KRABD4: variants seen among roughly 807,000 people sequenced by gnomAD.
The protein encoded by KRABD4 is KRAB domain-containing protein 4.
chrX:46,452,150 G>A, the KRABD4 span, among the ~76,000 whole-genome samples: 1 of 111,382 alleles, frequency 9.0e-6, no homozygotes, highest in African/African-American at 3.3e-5. Flanking sequence ...TTGCTATGTT[G>A]CCCAGGCTGG....
the KRABD4 span, among the ~76,000 whole-genome samples, chrX:46,453,619 A>AT: frequency 9.0e-6 from 1 of 111,479 alleles, no homozygotes. Context: ...GTATGAATTA[A>AT]TTTTTTTTAT....
At chrX:46,473,239 G>A in the KRABD4 span, 22 of 1,176,326 alleles carry the variant, frequency 1.9e-5, no homozygotes, top group African/African-American at 1.4e-4. Context: ...AACTCACACC[G>A]GAGAGAAACC....
At chrX:46,471,263 C>T in the KRABD4 span, 4 of 985,512 alleles carry the variant, frequency 4.1e-6, no homozygotes, top group Non-Finnish European at 5.5e-6. Flanking sequence ...CTCTTTGTGC[C>T]AGAAAATCCT....
chrX:46,449,735 T>G, the KRABD4 span, among the ~76,000 whole-genome samples: 1 of 112,378 alleles, frequency 8.9e-6, no homozygotes, highest in African/African-American at 3.2e-5. Context: ...TGTGTCCTCT[T>G]TGCTGGATAT....
At chrX:46,462,013 G>A in the KRABD4 span, among the ~76,000 whole-genome samples, 2 of 111,565 alleles carry the variant, frequency 1.8e-5, no homozygotes, top group African/African-American at 3.3e-5. Context: ...AAGAGGTGTG[G>A]TTTTGTATCA....
chrX:46,456,874 C>T, the KRABD4 span: 195 of 394,337 alleles, frequency 4.9e-4, no homozygotes, highest in African/African-American at 4.8e-3. Context: ...AATCCAATAT[C>T]CAACTTGTGA....
At chrX:46,473,101 G>A in the KRABD4 span, 82 of 1,189,814 alleles carry the variant, frequency 6.9e-5, no homozygotes, top group Middle Eastern at 2.3e-4. Context: ...TAATCAACGA[G>A]GGAAAGCCCT....
the KRABD4 span, among the ~76,000 whole-genome samples, chrX:46,461,334 A>G: frequency 9.0e-6 from 1 of 111,030 alleles, no homozygotes; most frequent in Non-Finnish European, 1.9e-5. Flanking sequence ...GCTTCCAAGC[A>G]ACATCATCCT....
At chrX:46,452,332 G>T in the KRABD4 span, among the ~76,000 whole-genome samples, 5 of 104,153 alleles carry the variant, frequency 4.8e-5, no homozygotes, top group Non-Finnish European at 7.8e-5. Flanking sequence ...CTCTACACCA[G>T]GGTTTCTTAG....
chrX:46,460,454 T>C, the KRABD4 span, among the ~76,000 whole-genome samples: 2 of 107,254 alleles, frequency 1.9e-5, no homozygotes, highest in African/African-American at 6.8e-5. Flanking sequence ...GGGGTGGATA[T>C]TACAGAGGAT....
the KRABD4 span, chrX:46,472,899 G>A: frequency 5.8e-6 from 7 of 1,211,798 alleles, no homozygotes; most frequent in Non-Finnish European, 2.2e-6. Context: ...TCTGAGCACA[G>A]AATTTGATTC....
chrX:46,468,154 A>G, the KRABD4 span, among the ~76,000 whole-genome samples: 14 of 111,721 alleles, frequency 1.3e-4, no homozygotes, highest in East Asian at 2.2e-3. Flanking sequence ...TTACATATGC[A>G]TTTCCAATTG....
the KRABD4 span, among the ~76,000 whole-genome samples, chrX:46,457,645 T>A: frequency 9.4e-6 from 1 of 106,665 alleles, no homozygotes; most frequent in East Asian, 2.9e-4. Context: ...TTTTTTTTTT[T>A]ATATATACAA....
chrX:46,450,524 G>C, the KRABD4 span: 1 of 1,130,414 alleles, frequency 8.8e-7, no homozygotes, highest in Non-Finnish European at 1.2e-6. Flanking sequence ...ATTGAGGCAA[G>C]GTTTGGAATC....
chrX:46,449,689 A>G, the KRABD4 span, among the ~76,000 whole-genome samples: 1 of 112,708 alleles, frequency 8.9e-6, no homozygotes, highest in East Asian at 2.8e-4. Context: ...AAGGCTGTTC[A>G]GTATACCTGC....
At chrX:46,454,845 TGTA>T in the KRABD4 span, 1 of 116,037 alleles carries the variant, frequency 8.6e-6, no homozygotes, top group African/African-American at 3.3e-5. Flanking sequence ...GACATTTTAT[TGTA>T]GTTTTTTTTT....
the KRABD4 span, among the ~76,000 whole-genome samples, chrX:46,464,353 A>G: frequency 1.8e-5 from 2 of 112,112 alleles, no homozygotes; most frequent in South Asian, 3.7e-4. Flanking sequence ...CCCACTCTAG[A>G]TTTTCTGAAA....
At chrX:46,457,944 G>A in the KRABD4 span, among the ~76,000 whole-genome samples, 17 of 110,842 alleles carry the variant, frequency 1.5e-4, no homozygotes, top group African/African-American at 5.6e-4. Flanking sequence ...GTTTCACCAT[G>A]TTGGCCAGTC....
At chrX:46,474,632 ATTATTTAT>A in the KRABD4 span, 1 of 111,304 alleles carries the variant, frequency 9.0e-6, no homozygotes, top group African/African-American at 3.3e-5. Context: ...AAATGATAAA[ATTATTTAT>A]TTATTTATTT....
Sources: allele counts gnomAD v4.1 joint callset (sites outside exome capture counted in the v4.1 genomes callset), GRCh38; gene constraint gnomAD v4.1.1; transcripts MANE v1.5; gene names NCBI Gene and HGNC (gene_info 2026-07-23, HGNC 2026-07-21).